TPCN1: variants seen among roughly 807,000 people sequenced by gnomAD.
TPCN1 encodes the protein two pore channel protein 1.
TPCN1 carries 52 observed loss-of-function variants against 108.8 expected under a neutral mutation model. The ratio of observed to expected loss-of-function variants is 0.48; its 90% CI spans 0.38 to 0.60. The LOEUF (loss-of-function observed/expected upper bound fraction) is 0.60. TPCN1 is among the 20% of genes least tolerant of loss of function. TPCN1 has a pLI of 0.00. For synonymous variants in TPCN1, 446 were observed against 433.7 expected, an observed-to-expected ratio of 1.03 and a Z score of -0.35; for missense variants, 806 against 1,072.8, an observed-to-expected ratio of 0.75 and a Z score of 3.47.
intron 12 of TPCN1, among the ~76,000 whole-genome samples, chr12:113,277,652 C>T (rs1306506468): frequency 1.3e-5 from 2 of 152,158 alleles, no homozygotes; most frequent in Non-Finnish European, 2.9e-5. Context: ...GTGGGATAGT[C>T]CCATGTGAGC....
At chr12:113,295,571 C>T (rs970621804) in intron 27 of TPCN1, among the ~76,000 whole-genome samples, 9 of 151,642 alleles carry the variant, frequency 5.9e-5, no homozygotes, top group African/African-American at 1.9e-4. Context: ...CAGCACAATA[C>T]AGCTCTAAGC....
Position 113,289,565 on chromosome 12 carries a change from G to A in TPCN1, c.1797-563G>A, listed in dbSNP as rs144633909. ...CCTCACTCTTGTGTCTGATGCATGC[G>A]TGTGGGAGGAGGCTCCCTGGTGGCC... On this transcript the variant is annotated intron_variant, in intron 21 of 27. Coordinates refer to ENST00000335509, the MANE Select transcript of TPCN1 (RefSeq NM_017901.6). This position sits in a 1 kb window ranked among gnomAD's most constrained non-coding sequence, Gnocchi z 4.1. 5.2e-3 allele frequency among the ~76,000 whole-genome samples: 786 copies of A among 152,266 alleles called. 11 individuals are homozygous for A. Among genetic ancestry groups the A allele is most frequent in the African/African-American group, 0.018 (740 of 41,524 alleles).
chr12:113,274,874 C>T (rs983145472), intron 10 of TPCN1, among the ~76,000 whole-genome samples: 2 of 152,184 alleles, frequency 1.3e-5, no homozygotes, highest in Admixed American at 1.3e-4. Context: ...CACTCACGTG[C>T]CAGAAATGTC....
chr12:113,260,570 C>T (rs1003522951), intron 3 of TPCN1, 78 bp downstream of exon 3: 16 of 1,499,054 alleles, frequency 1.1e-5, no homozygotes, highest in African/African-American at 2.9e-5. Context: ...TGTTAGGTGC[C>T]CAGAAATTCA....
At chr12:113,267,701 G>A (rs1955321344) in intron 4 of TPCN1, 142 bp from the exon 5 acceptor site, 4 of 615,490 alleles carry the variant, frequency 6.5e-6, no homozygotes, top group Non-Finnish European at 1.2e-5. Flanking sequence ...CTGTCTTTAG[G>A]CATGCGAGGC....
rs527423212 is a variant in TPCN1, at chr12:113,245,532, C to A, written c.113-14836C>A. 8.2e-3 allele frequency among the ~76,000 whole-genome samples: 1,026 copies of A among 124,466 alleles called. 14 individuals are homozygous for A. The highest frequency in any genetic ancestry group is 0.012 in the Admixed American group (131 of 11,334). The allele number at this position is 124,466 out of a possible 152,430, so 81.7% of individuals were successfully genotyped here. A position where few individuals can be genotyped will look rare whatever the true frequency, so the allele number is the denominator to read the frequency against. On this transcript the variant is annotated intron_variant, in intron 2 of 27. Transcript: ENST00000335509. ...AGGAGAATGGCGTGAGCCCGGGAGG[C>A]GGAGCTTGCAGTGAGCCGAGATCGC... is the stretch of plus-strand genomic sequence containing the variant.
At position 113,286,968 on chromosome 12, in the gene TPCN1, G is replaced by T; in HGVS notation, c.1527-19G>T. 6.3e-7 allele frequency: 1 copy of T among 1,599,048 alleles called. No homozygotes were observed. The highest frequency in any genetic ancestry group is 8.6e-7 in the Non-Finnish European group (1 of 1,167,440). On this transcript the variant is annotated intron_variant, in intron 18 of 27. Transcript: ENST00000335509. ...GGCTCAGGGCCACAGGGTGGACCTTGGCCTCTCCCCTACTGCAGGTTTGAC... is the reference window on the plus strand; with the variant it reads ...GGCTCAGGGCCACAGGGTGGACCTTTGCCTCTCCCCTACTGCAGGTTTGAC...
In TPCN1 at chr12:113,248,465, G is replaced by A. The variant is rs560374736; in HGVS notation, c.113-11903G>A. On this transcript the variant is annotated intron_variant, in intron 2 of 27. Transcript: ENST00000335509. ...TGTCAGGTGGTGACAGCCCCAGGAGGAAGCCTCAGCGCTTTGAGGGGACGG... is the reference window on the plus strand; with the variant it reads ...TGTCAGGTGGTGACAGCCCCAGGAGAAAGCCTCAGCGCTTTGAGGGGACGG... 4.7e-4 allele frequency among the ~76,000 whole-genome samples: 72 copies of A among 152,366 alleles called. 1 individual carries two copies. The highest frequency in any genetic ancestry group is 7.8e-4 in the Admixed American group (12 of 15,308).
Position 113,231,541 on chromosome 12 carries a change from G to A in TPCN1, c.112+4577G>A, listed in dbSNP as rs1023955067. 6.6e-6 allele frequency among the ~76,000 whole-genome samples: 1 copy of A among 152,168 alleles called. No homozygotes were observed. Among genetic ancestry groups the A allele is most frequent in the African/African-American group, 2.4e-5 (1 of 41,420 alleles). On this transcript the variant is annotated intron_variant, in intron 2 of 27. Coordinates refer to ENST00000335509, the MANE Select transcript of TPCN1 (RefSeq NM_017901.6). This position sits in a 1 kb window ranked among gnomAD's most constrained non-coding sequence, Gnocchi z 4.3. Reference sequence around the variant, plus strand: ...TTAGGACTTCAGCCTATGAATTTGAGGGGGACACAGTTCAGGCCATCACAC... The same window carrying A: ...TTAGGACTTCAGCCTATGAATTTGAAGGGGACACAGTTCAGGCCATCACAC...
Position 113,268,597 on chromosome 12 carries a change from T to G in TPCN1, c.529-145T>G. 1.0e-6 allele frequency: 1 copy of G among 967,008 alleles called. No homozygotes were observed. The highest frequency in any genetic ancestry group is 1.5e-6 in the Non-Finnish European group (1 of 670,598). The allele number at this position is 967,008 out of a possible 1,614,324, so 59.9% of individuals were successfully genotyped here. On this transcript the variant is annotated intron_variant, in intron 5 of 27. Transcript: ENST00000335509. The surrounding 1 kb of genome is among the most constrained non-coding windows in gnomAD (Gnocchi z 7.3). ...TTTTTTCTTCTGGGGCTGCCTGATG[T>G]TGGCAGGAAGTGTGAGAGGGCTGGA...
Position 113,267,902 on chromosome 12 carries a change from G to A in TPCN1, c.474G>A (p.Lys158=), listed in dbSNP as rs1429599071. The A allele has an allele frequency of 2.5e-6, 4 of 1,614,170 alleles. No individual in the cohort carries two copies. The South Asian group carries it at 4.4e-5, about 18-fold the overall frequency. The part of the protein sequence containing the change: ...LMVVVFELCM[K]LRWLGLHTFI... The stretch of plus-strand genomic sequence containing the variant: ...TGGTAGTGTTTGAACTCTGCATGAA[G>A]TTACGCTGGCTGGGCCTCCACACCT... The change falls in exon 5 of 28, where the codon AAG becomes AAA. Residue 158 remains lysine, a synonymous_variant. Coordinates refer to ENST00000335509, the MANE Select transcript of TPCN1 (RefSeq NM_017901.6).
chr12:113,235,283 T>G (rs1425088761), intron 2 of TPCN1, among the ~76,000 whole-genome samples: 1 of 152,248 alleles, frequency 6.6e-6, no homozygotes, highest in Non-Finnish European at 1.5e-5. Flanking sequence ...CATCATTCTT[T>G]CCTGGTGATT....
intron 15 of TPCN1, among the ~76,000 whole-genome samples, chr12:113,282,753 C>T (rs1050012182): frequency 2.0e-5 from 3 of 148,206 alleles, no homozygotes; most frequent in African/African-American, 5.0e-5. Flanking sequence ...TGAGACCCCC[C>T]TATCTCAAGA....
At chr12:113,234,239 C>T (rs963109523) in intron 2 of TPCN1, among the ~76,000 whole-genome samples, 5 of 152,184 alleles carry the variant, frequency 3.3e-5, no homozygotes, top group Admixed American at 6.5e-5. Context: ...CCCCCATGCA[C>T]GCCTTTTCCT....
chr12:113,280,953 C>T (rs766490447), intron 15 of TPCN1, among the ~76,000 whole-genome samples: 11 of 152,040 alleles, frequency 7.2e-5, no homozygotes, highest in South Asian at 2.1e-4. Flanking sequence ...AACTGTTGTG[C>T]GTTCATGCTA....
chr12:113,252,629 T>C (rs1163237469), intron 2 of TPCN1, among the ~76,000 whole-genome samples: 2 of 152,204 alleles, frequency 1.3e-5, no homozygotes, highest in Non-Finnish European at 2.9e-5. Flanking sequence ...CTAGGACTCT[T>C]CTGTGTTGCC....
chr12:113,266,235 C>T lies in TPCN1; in HGVS notation c.293C>T (p.Ala98Val), dbSNP rs763213221. Residue 98 changes from alanine (A) to valine (V), a missense_variant, in exon 4 of 28, where the codon GCG (alanine) becomes GTG (valine). By Grantham distance (64) the Ala-to-Val change is moderately conservative. Transcript: ENST00000335509. This position sits in a 1 kb window ranked among gnomAD's most constrained non-coding sequence, Gnocchi z 4.2. ...FTHPKDAKALAAYLFAHNHLF... is the reference protein window; with the variant it reads ...FTHPKDAKALVAYLFAHNHLF... ...CACCCCAAGGATGCCAAGGCGCTGGCGGCCTACCTCTTTGCACACAATCAC... is the reference window on the plus strand; with the variant it reads ...CACCCCAAGGATGCCAAGGCGCTGGTGGCCTACCTCTTTGCACACAATCAC... 17 of 1,614,152 alleles carry T rather than the reference C, an allele frequency of 1.1e-5. No homozygotes were observed. Among genetic ancestry groups the T allele is most frequent in the South Asian group, 6.6e-5 (6 of 91,092 alleles).
intron 2 of TPCN1, among the ~76,000 whole-genome samples, chr12:113,240,591 C>G (rs1954073389): frequency 6.6e-6 from 1 of 152,198 alleles, no homozygotes; most frequent in African/African-American, 2.4e-5. Context: ...CCTCCGTTCT[C>G]ACATTCTTCC....
chr12:113,249,873 G>T (rs559390424), intron 2 of TPCN1: 4 of 152,242 alleles, frequency 2.6e-5, no homozygotes, highest in African/African-American at 9.6e-5. Context: ...CTCCAGCTCC[G>T]TCACTTTCTA....
Sources: gnomAD v4.1 joint callset for allele counts (sites outside exome capture counted in the v4.1 genomes callset) on GRCh38, gnomAD v4.1.1 for gene constraint, Gnocchi (gnomAD v3.1) non-coding constraint, MANE v1.5 for transcripts, NCBI Gene and HGNC (gene_info 2026-07-23, HGNC 2026-07-21) for gene names.